The following OSBPL3 variants were observed in gnomAD, a reference collection of about 807,000 sequenced individuals.
The protein encoded by OSBPL3 is oxysterol-binding protein-related protein 3.
OSBPL3 carries 65 observed loss-of-function variants against 120.1 expected under a neutral mutation model. That is an observed-to-expected ratio of 0.54 (90% confidence interval 0.44 to 0.67). The LOEUF is 0.67. Among genes scored for constraint, OSBPL3 ranks in the 30% least tolerant of loss-of-function variants. The pLI, the probability that OSBPL3 is intolerant of heterozygous loss-of-function variation, is 0.00. For missense variants in OSBPL3, 1,004 were observed against 1,082.1 expected (o/e 0.93, Z 1.01); for synonymous variants, 416 against 402.6 (o/e 1.03, Z -0.40).
rs1002836498 is a variant in OSBPL3 at position 24,803,173 on chromosome 7, C to G, written c.2567+1142G>C. On this transcript the variant is annotated intron_variant, in intron 22 of 22. Coordinates refer to ENST00000313367, the MANE Select transcript of OSBPL3 (RefSeq NM_015550.4). The surrounding 1 kb of genome is among the most constrained non-coding windows in gnomAD (Gnocchi z 4.2). Reference sequence around the variant, plus strand: ...ACTTCTGTTGTCCACTAAAAACAAACAAAAACACAAACAAAAAACATCCCA... The same window carrying G: ...ACTTCTGTTGTCCACTAAAAACAAAGAAAAACACAAACAAAAAACATCCCA... Among the ~76,000 whole-genome samples, 23 of 152,076 alleles carry G rather than the reference C, an allele frequency of 1.5e-4. No homozygotes were observed. Among genetic ancestry groups the G allele is most frequent in the African/African-American group, 5.1e-4 (21 of 41,430 alleles).
chr7:24,957,837 T>C (rs1815255417), intron 1 of OSBPL3, among the ~76,000 whole-genome samples: 1 of 152,214 alleles, frequency 6.6e-6, no homozygotes, highest in Non-Finnish European at 1.5e-5. Flanking sequence ...TAATCAATTC[T>C]GTACTTGTTT....
In OSBPL3 at chr7:24,804,352, C is replaced by G. The variant is rs1562747542; in HGVS notation, c.2530G>C (p.Glu844Gln). 6.2e-7 allele frequency: 1 copy of G among 1,614,174 alleles called. No homozygotes were observed. Among genetic ancestry groups the G allele is most frequent in the Non-Finnish European group, 8.5e-7 (1 of 1,180,016 alleles). Residue 844 changes from glutamate to glutamine, a missense_variant, in exon 22 of 23, where the codon GAA becomes CAA. Physicochemically the swap from Glu to Gln is conservative, Grantham distance 29. Transcript: ENST00000313367. This position sits in a 1 kb window ranked among gnomAD's most constrained non-coding sequence, Gnocchi z 5.4. ...GGCTGGTGCTCCACATGATTTTCTT[C>G]TAAGACCCGCCGCCTTTCTCTCTGC... is the stretch of plus-strand genomic sequence containing the variant. ...QLQRERRRVL[E>Q]ENHVEHQPRF... is the part of the protein sequence containing the mutation.
In OSBPL3 at chr7:24,938,779, A is replaced by ATGTGTGTG. The variant is rs142720310; in HGVS notation, c.-150+41099_-150+41106dup. ...AACTGAATAATGAGGTTTTGTTTTG[A>ATGTGTGTG]TGTGTGTGTGTGTGTGTGTGTGTGT... On this transcript the variant is annotated intron_variant, in intron 1 of 22. Transcript: ENST00000313367. The surrounding 1 kb of genome is among the most constrained non-coding windows in gnomAD (Gnocchi z 5.8). Among the ~76,000 whole-genome samples the ATGTGTGTG allele has an allele frequency of 1.4e-4, 13 of 94,234 alleles. No individual in the cohort carries two copies. The highest frequency in any genetic ancestry group is 8.2e-4 in the South Asian group (2 of 2,426). 61.8% of individuals were successfully genotyped at this position (94,234 alleles called of 152,430 possible).
At chr7:24,977,499 T>C (rs567646791) in intron 1 of OSBPL3, among the ~76,000 whole-genome samples, 53 of 152,300 alleles carry the variant, frequency 3.5e-4, no homozygotes, top group Middle Eastern at 3.4e-3. Flanking sequence ...CTAAACCTCG[T>C]TTTCCAATTC....
At chr7:24,949,910 C>T (rs1440215236) in intron 1 of OSBPL3, among the ~76,000 whole-genome samples, 2 of 152,354 alleles carry the variant, frequency 1.3e-5, no homozygotes, top group South Asian at 2.1e-4. Context: ...TTGCTTCAGG[C>T]TCTGCTTTCA....
chr7:24,814,663 C>T (rs1219492936), intron 19 of OSBPL3, among the ~76,000 whole-genome samples: 3 of 152,128 alleles, frequency 2.0e-5, no homozygotes, highest in East Asian at 3.9e-4. Flanking sequence ...CCTGCAGCCC[C>T]GGGCGACCAC....
Position 24,807,988 on chromosome 7 carries a change from C to G in OSBPL3, c.2318-1086G>C, listed in dbSNP as rs557045952. Among the ~76,000 whole-genome samples the G allele has an allele frequency of 5.1e-4, 77 of 152,224 alleles. No homozygotes were observed. The South Asian group carries it at 6.4e-3, about 13-fold the overall frequency. Reference sequence around the variant, plus strand: ...TCTCAGCTCACTGCAACCTCTACTTCCAGGGTTTAAGTGATTCTCATGCCT... The same window carrying G: ...TCTCAGCTCACTGCAACCTCTACTTGCAGGGTTTAAGTGATTCTCATGCCT... On this transcript the variant is annotated intron_variant, in intron 20 of 22. Transcript: ENST00000313367.
At chr7:24,826,572 G>A (rs919299439) in intron 16 of OSBPL3, among the ~76,000 whole-genome samples, 4 of 152,128 alleles carry the variant, frequency 2.6e-5, no homozygotes, top group Non-Finnish European at 5.9e-5. Context: ...TGGAAACAGA[G>A]GGGCTGGGTT....
At chr7:24,948,990 T>C (rs910829313) in intron 1 of OSBPL3, among the ~76,000 whole-genome samples, 1 of 152,224 alleles carries the variant, frequency 6.6e-6, no homozygotes, top group Non-Finnish European at 1.5e-5. Flanking sequence ...AGTCTGCATA[T>C]CATGATGTCT....
At position 24,852,096 on chromosome 7, in the gene OSBPL3, C is replaced by T. The variant is rs1333655191; in HGVS notation, c.1158+408G>A. Among the ~76,000 whole-genome samples the T allele has an allele frequency of 1.3e-5, 2 of 152,222 alleles. No homozygotes were observed. The highest frequency in any genetic ancestry group is 4.1e-4 in the South Asian group (2 of 4,836). ...ATAAGAGCATGAATTGGAAATTTCACTCTGCCACCTGTCATTTGGAAAGTA... is the reference window on the plus strand; with the variant it reads ...ATAAGAGCATGAATTGGAAATTTCATTCTGCCACCTGTCATTTGGAAAGTA... On this transcript the variant is annotated intron_variant, in intron 11 of 22. Coordinates refer to ENST00000313367, the MANE Select transcript of OSBPL3 (RefSeq NM_015550.4). This position sits in a 1 kb window ranked among gnomAD's most constrained non-coding sequence, Gnocchi z 4.1.
At position 24,859,371 on chromosome 7, in the gene OSBPL3, A is replaced by T. The variant is rs180674338; in HGVS notation, c.1027+2242T>A. 2.1e-3 allele frequency among the ~76,000 whole-genome samples: 315 copies of T among 152,336 alleles called. 3 individuals carry two copies. The highest frequency in any genetic ancestry group is 9.3e-3 in the Admixed American group (143 of 15,300). ...AAATTGAAAAAAAAGTTAAGCAGAA[A>T]GATAAATAAGCACTTAGAACTCCAG... On this transcript the variant is annotated intron_variant, in intron 10 of 22. Transcript: ENST00000313367.
intron 1 of OSBPL3, among the ~76,000 whole-genome samples, chr7:24,977,554 A>T (rs1817714407): frequency 1.9e-5 from 1 of 51,594 alleles, no homozygotes. Flanking sequence ...GCCCAGCAAG[A>T]CGGTGAAAAT....
At position 24,849,023 on chromosome 7, in the gene OSBPL3, G is replaced by A. The variant is rs1316749760; in HGVS notation, c.1266+46C>T. The A allele has an allele frequency of 4.5e-6, 6 of 1,328,548 alleles. No homozygotes were observed. Among genetic ancestry groups the A allele is most frequent in the East Asian group, 2.3e-5 (1 of 43,358 alleles). 82.3% of individuals were successfully genotyped at this position (1,328,548 alleles called of 1,614,324 possible). ...CAATGGGACAGATGGTATCACGGGAGCGGGCGGCAGCTGGGGAGACATTAC... is the reference window on the plus strand; with the variant it reads ...CAATGGGACAGATGGTATCACGGGAACGGGCGGCAGCTGGGGAGACATTAC... On this transcript the variant is annotated intron_variant, in intron 12 of 22. Coordinates refer to ENST00000313367, the MANE Select transcript of OSBPL3 (RefSeq NM_015550.4). This position sits in a 1 kb window ranked among gnomAD's most constrained non-coding sequence, Gnocchi z 5.4.
In OSBPL3 at chr7:24,855,449, T is replaced by C. The variant is rs1430529145; in HGVS notation, c.1028-2815A>G. Among the ~76,000 whole-genome samples the C allele has an allele frequency of 6.6e-6, 1 of 152,162 alleles. No homozygotes were observed. The highest frequency in any genetic ancestry group is 1.5e-5 in the Non-Finnish European group (1 of 68,018). ...AAATGTACAGCTGACAAGATTGCAA[T>C]AGGTGTAAGATAAGCAGAAAGAAAC... On this transcript the variant is annotated intron_variant, in intron 10 of 22. Transcript: ENST00000313367. The surrounding 1 kb of genome is among the most constrained non-coding windows in gnomAD (Gnocchi z 4.3).
At chr7:24,853,187 A>AAAAAAAAAAAAGGAAAG (rs1799385979) in intron 10 of OSBPL3, among the ~76,000 whole-genome samples, 1 of 152,212 alleles carries the variant, frequency 6.6e-6, no homozygotes, top group African/African-American at 2.4e-5. Flanking sequence ...TTAAAAACAA[A>AAAAAAAAAAAAGGAAAG]GCTTATTGGT....
rs1794908736 is a variant in OSBPL3 at position 24,819,883 on chromosome 7, C to T, written c.1948+292G>A. Among the ~76,000 whole-genome samples, 1 of 152,092 alleles carries T rather than the reference C, an allele frequency of 6.6e-6. No homozygotes were observed. The highest frequency in any genetic ancestry group is 2.4e-5 in the African/African-American group (1 of 41,400). On this transcript the variant is annotated intron_variant, in intron 17 of 22. Transcript: ENST00000313367. This position sits in a 1 kb window ranked among gnomAD's most constrained non-coding sequence, Gnocchi z 4.1. ...TTTAAGTTTGACAAAAGCTGAAAAC[C>T]CCTCTGCTGTCTACACTCTGATAAA...
At chr7:24,888,214 A>C (rs533400304) in intron 2 of OSBPL3, among the ~76,000 whole-genome samples, 1 of 152,328 alleles carries the variant, frequency 6.6e-6, no homozygotes, top group East Asian at 1.9e-4. Context: ...TAAGACTTGA[A>C]GGTCAAATTA....
rs1794762872 is a variant in OSBPL3, at chr7:24,818,659, A to T, written c.1948+1516T>A. On this transcript the variant is annotated intron_variant, in intron 17 of 22. Coordinates refer to ENST00000313367, the MANE Select transcript of OSBPL3 (RefSeq NM_015550.4). This position sits in a 1 kb window ranked among gnomAD's most constrained non-coding sequence, Gnocchi z 4.0. ...CAAAAGGCAGAGAAAGAGGAAACGGAGAACAAAGAACAGATGTGACAAACA... is the reference window on the plus strand; with the variant it reads ...CAAAAGGCAGAGAAAGAGGAAACGGTGAACAAAGAACAGATGTGACAAACA... Among the ~76,000 whole-genome samples the T allele has an allele frequency of 6.6e-6, 1 of 152,256 alleles. No homozygotes were observed. Among genetic ancestry groups the T allele is most frequent in the African/African-American group, 2.4e-5 (1 of 41,474 alleles).
chr7:24,974,970 T>TA (rs1322748528), intron 1 of OSBPL3, among the ~76,000 whole-genome samples: 1 of 152,218 alleles, frequency 6.6e-6, no homozygotes, highest in African/African-American at 2.4e-5. Context: ...TTTGTACCTT[T>TA]AAACGGATGA....
Sources: allele counts gnomAD v4.1 joint callset (sites outside exome capture counted in the v4.1 genomes callset), GRCh38; gene constraint gnomAD v4.1.1; non-coding constraint Gnocchi (gnomAD v3.1); transcripts MANE v1.5; gene names NCBI Gene and HGNC (gene_info 2026-07-23, HGNC 2026-07-21).